The following SBNO2 variants were observed in gnomAD, a reference collection of about 807,000 sequenced individuals.
SBNO2 encodes the protein strawberry notch homolog 2.
Under a neutral mutation model 146.3 loss-of-function variants are expected in SBNO2, and 89 were observed. The observed-to-expected ratio is 0.61, with a 90% CI of 0.51 to 0.73. The LOEUF (loss-of-function observed/expected upper bound fraction) is 0.73. Ranked by LOEUF, SBNO2 falls within the 30% of genes least tolerant of loss-of-function variation. The pLI is 0.00. For synonymous variants in SBNO2, 1,147 were observed against 892.6 expected (o/e 1.29, Z -5.08); for missense variants, 2,092 against 2,003.7 (o/e 1.04, Z -0.84).
intron 4 of SBNO2, among the ~76,000 whole-genome samples, chr19:1,127,976 G>A (rs142495139): frequency 0.013 from 1,979 of 152,200 alleles, 27 homozygotes; most frequent in Non-Finnish European, 0.021. Flanking sequence ...ACCATGCCCA[G>A]CTAATTTTTT....
At chr19:1,169,441 C>T (rs978459505) in intron 1 of SBNO2, among the ~76,000 whole-genome samples, 1 of 152,248 alleles carries the variant, frequency 6.6e-6, no homozygotes, top group Non-Finnish European at 1.5e-5. Context: ...GGCTGACTGG[C>T]CCCTGTGTGC....
chr19:1,172,988 A>T (rs1262023710), intron 1 of SBNO2, among the ~76,000 whole-genome samples: 1 of 56,968 alleles, frequency 1.8e-5, no homozygotes, highest in African/African-American at 6.0e-5. Flanking sequence ...CACATTTAAG[A>T]GATTTTTTTT....
In SBNO2 at chr19:1,114,336, C is replaced by A; in HGVS notation, c.1972G>T (p.Glu658Ter). 6.4e-7 allele frequency: 1 copy of A among 1,557,290 alleles called. No homozygotes were observed. The change falls in exon 18 of 32, where the codon GAG becomes TAG. Residue 658 changes from glutamate to a stop codon, truncating the protein, a stop_gained. Coordinates refer to ENST00000361757, the MANE Select transcript of SBNO2 (RefSeq NM_014963.3). LOFTEE classifies it high-confidence loss of function. ...TCGCTGTCCAGGCCAGGGTCCGACTCCGTGCTGCTGTCGTCACTGATGCGG... is the reference window on the plus strand; with the variant it reads ...TCGCTGTCCAGGCCAGGGTCCGACTACGTGCTGCTGTCGTCACTGATGCGG... ...VIRISDDSSTESDPGLDSDFN... is the reference protein window; with the variant it reads ...VIRISDDSST
Position 1,122,522 on chromosome 19 carries a change from C to T in SBNO2, c.951G>A (p.Glu317=). Residue 317 remains glutamate (E), a synonymous_variant, in exon 10 of 32, where the codon GAG becomes GAA. Transcript: ENST00000361757. ...TGGCTTCGATGTCCCGCAGGTCGCG[C>T]TCCGCATCGTACTTGAGGTCGTTGG... is the stretch of plus-strand genomic sequence containing the variant. ...SVSNDLKYDA[E]RDLRDIEATG... 1 of 1,561,760 alleles carries T rather than the reference C, an allele frequency of 6.4e-7. No homozygotes were observed. The highest frequency in any genetic ancestry group is 8.7e-7 in the Non-Finnish European group (1 of 1,155,514).
intron 7 of SBNO2, among the ~76,000 whole-genome samples, chr19:1,123,254 G>A (rs1026257334): frequency 3.3e-5 from 5 of 151,862 alleles, no homozygotes; most frequent in Middle Eastern, 3.4e-3. Flanking sequence ...GGGTGTGGCC[G>A]CGGCCTGCTG....
rs1481557227 is a variant in SBNO2, at chr19:1,158,738, C to T, written c.-126-4336G>A. 2.0e-5 allele frequency among the ~76,000 whole-genome samples: 3 copies of T among 152,166 alleles called. No individual in the cohort carries two copies. The highest frequency in any genetic ancestry group is 2.1e-4 in the South Asian group (1 of 4,834). The stretch of plus-strand genomic sequence containing the variant: ...CGAGGTTCTCCGGGCAGGCACAAGG[C>T]GCTCCCTGCGTCCCAGGACCTGAAG... On this transcript the variant is annotated intron_variant, in intron 1 of 31. Coordinates refer to ENST00000361757, the MANE Select transcript of SBNO2 (RefSeq NM_014963.3). The surrounding 1 kb of genome is among the most constrained non-coding windows in gnomAD (Gnocchi z 9.9).
Position 1,133,550 on chromosome 19 carries a change from G to T in SBNO2, c.280-5785C>A, listed in dbSNP as rs1168179967. The stretch of plus-strand genomic sequence containing the variant: ...GCAGCGGAGGCTGGTGCAGACTGTC[G>T]CCCACACCCCTTGCCACGACCCATC... On this transcript the variant is annotated intron_variant, in intron 4 of 31. Transcript: ENST00000361757. Among the ~76,000 whole-genome samples, 3 of 152,208 alleles carry T rather than the reference G, an allele frequency of 2.0e-5. No homozygotes were observed. The East Asian group carries it at 5.8e-4, about 29-fold the overall frequency.
chr19:1,119,635 C>A lies in SBNO2; in HGVS notation c.1268-14G>T. The A allele has an allele frequency of 6.3e-7, 1 of 1,590,408 alleles. No individual in the cohort carries two copies. Among genetic ancestry groups the A allele is most frequent in the Non-Finnish European group, 8.6e-7 (1 of 1,166,162 alleles). ...GCTCAGAGGCACCTGTGGGGGGAAG[C>A]TGCCGTCAGCTCCCCAACCCGGGAG... On this transcript the variant is annotated splice_polypyrimidine_tract_variant and intron_variant, in intron 12 of 31. Transcript: ENST00000361757.
chr19:1,113,203 G>A (rs2079788294), intron 19 of SBNO2, among the ~76,000 whole-genome samples: 1 of 152,162 alleles, frequency 6.6e-6, no homozygotes, highest in South Asian at 2.1e-4. Context: ...GGAGTAGGAG[G>A]CCGCAGAACC....
intron 11 of SBNO2, among the ~76,000 whole-genome samples, chr19:1,121,237 G>A (rs536368107): frequency 1.3e-5 from 2 of 152,370 alleles, no homozygotes; most frequent in East Asian, 3.9e-4. Context: ...CAGGAAAGCA[G>A]TCTGAGGAAG....
rs146848248 is a variant in SBNO2, at chr19:1,119,873, C to CG, written c.1267+32dup. 3.6e-4 allele frequency: 535 copies of CG among 1,468,402 alleles called. 1 individual carries two copies. In the African/African-American group the frequency reaches 6.5e-3, roughly 18 times the overall value. The allele number at this position is 1,468,402 out of a possible 1,614,324, so 91.0% of individuals were successfully genotyped here. A position where few individuals can be genotyped will look rare whatever the true frequency, so the allele number is the denominator to read the frequency against. On this transcript the variant is annotated intron_variant, in intron 12 of 31. Coordinates refer to ENST00000361757, the MANE Select transcript of SBNO2 (RefSeq NM_014963.3). ...ACAGCCAGGCAGAAAGACGCTGCTG[C>CG]GGGTGGGTCACGTGGGATCCGCACC...
Position 1,157,472 on chromosome 19 carries a change from G to A in SBNO2, c.-126-3070C>T, listed in dbSNP as rs762535536. 1.5e-3 allele frequency among the ~76,000 whole-genome samples: 231 copies of A among 152,184 alleles called. No homozygotes were observed. The highest frequency in any genetic ancestry group is 2.7e-3 in the Non-Finnish European group (181 of 67,980). ...GGCCCACCCCGAGCCTCAGAGCCAC[G>A]GGCCAGCCAAACGTCCAGCGGGCAG... On this transcript the variant is annotated intron_variant, in intron 1 of 31. Coordinates refer to ENST00000361757, the MANE Select transcript of SBNO2 (RefSeq NM_014963.3). The surrounding 1 kb of genome is among the most constrained non-coding windows in gnomAD (Gnocchi z 6.8).
At chr19:1,132,186 C>T (rs973383823) in intron 4 of SBNO2, 6 of 1,404,650 alleles carry the variant, frequency 4.3e-6, no homozygotes, top group East Asian at 3.0e-5. Context: ...TGCCCGGGAG[C>T]GGCTCCCTCA....
chr19:1,122,825 G>GA, intron 8 of SBNO2, 34 bp from the exon 9 acceptor site: 1 of 1,537,820 alleles, frequency 6.5e-7, no homozygotes. Flanking sequence ...GGGCCTGGGG[G>GA]TGCTGGCCCG....
At chr19:1,123,188 C>A (rs1406337941) in intron 7 of SBNO2, 143 bp from the exon 8 acceptor site, 5 of 975,522 alleles carry the variant, frequency 5.1e-6, no homozygotes, top group African/African-American at 1.6e-5. Flanking sequence ...TTGGGCGGGT[C>A]ATGGGCGTGG....
chr19:1,110,970 A>G lies in SBNO2; in HGVS notation c.2884+49T>C. The G allele has an allele frequency of 5.0e-6, 8 of 1,610,064 alleles. No individual in the cohort carries two copies. Among genetic ancestry groups the G allele is most frequent in the Non-Finnish European group, 6.8e-6 (8 of 1,178,000 alleles). On this transcript the variant is annotated intron_variant, in intron 25 of 31. Coordinates refer to ENST00000361757, the MANE Select transcript of SBNO2 (RefSeq NM_014963.3). This position sits in a 1 kb window ranked among gnomAD's most constrained non-coding sequence, Gnocchi z 4.9. ...GCTCACCACCCGAGGCCAAGGTTGCATGAGATGAGAGACAGGAGCGCCTCT... is the reference window on the plus strand; with the variant it reads ...GCTCACCACCCGAGGCCAAGGTTGCGTGAGATGAGAGACAGGAGCGCCTCT...
intron 14 of SBNO2, among the ~76,000 whole-genome samples, chr19:1,118,786 C>T (rs888317706): frequency 2.0e-5 from 3 of 152,016 alleles, no homozygotes; most frequent in African/African-American, 7.2e-5. Context: ...GGGGGAGAAT[C>T]GCTTAAACCC....
chr19:1,123,848 A>G, intron 6 of SBNO2, 94 bp downstream of exon 6: 1 of 1,331,000 alleles, frequency 7.5e-7, no homozygotes. Flanking sequence ...TAGGCCAGCC[A>G]AGCGCTCCCC....
chr19:1,141,231 T>G (rs2080134464), intron 4 of SBNO2, among the ~76,000 whole-genome samples: 1 of 152,064 alleles, frequency 6.6e-6, no homozygotes, highest in Admixed American at 6.6e-5. Context: ...TTTTTTTTTT[T>G]TTAGACAGAG....
Sources: gnomAD v4.1 joint callset for allele counts (sites outside exome capture counted in the v4.1 genomes callset) on GRCh38, gnomAD v4.1.1 for gene constraint, Gnocchi (gnomAD v3.1) non-coding constraint, MANE v1.5 for transcripts, NCBI Gene and HGNC (gene_info 2026-07-23, HGNC 2026-07-21) for gene names.